The following ANGPT4 variants were observed in gnomAD, a reference collection of about 807,000 sequenced individuals.
The protein encoded by ANGPT4 is angiopoietin-4.
ANGPT4 carries 50 observed loss-of-function variants against 53.0 expected under a neutral mutation model. The observed-to-expected ratio is 0.94, with a 90% CI of 0.75 to 1.20. ANGPT4 has a LOEUF of 1.20. Ranked by LOEUF, ANGPT4 falls within the 50% of genes most tolerant of loss-of-function variation. The probability of loss-of-function intolerance (pLI) is 0.00; values close to 1 mark genes in which losing one functional copy is unlikely to be tolerated. For missense variants in ANGPT4, 648 were observed against 637.1 expected (o/e 1.02, Z -0.18); for synonymous variants, 251 against 259.7 (o/e 0.97, Z 0.32).
chr20:874,395 TG>T lies in ANGPT4; in HGVS notation c.1239del (p.Tyr413Ter). On this transcript the variant is annotated frameshift_variant, in exon 8 of 9. Transcript: ENST00000381922. LOFTEE classifies it high-confidence loss of function. ...NQLYRLSVVG[Y>X]SGSAGRQSSL... is the part of the protein sequence containing the mutation. ...CTGCTCTGGCGCCCTGCTGAGCCGC[TG>T]TACCCGACCACAGAAAGCCTGGAGG... 1 of 1,613,674 alleles carries T rather than the reference TG, an allele frequency of 6.2e-7. No homozygotes were observed. The highest frequency in any genetic ancestry group is 8.5e-7 in the Non-Finnish European group (1 of 1,180,018).
chr20:910,267 C>T (rs1982647244), intron 1 of ANGPT4, among the ~76,000 whole-genome samples: 1 of 152,176 alleles, frequency 6.6e-6, no homozygotes. Flanking sequence ...AATGCCGTAA[C>T]ATAAAGCACC....
chr20:895,285 A>G (rs1982001046), intron 1 of ANGPT4, among the ~76,000 whole-genome samples: 2 of 152,162 alleles, frequency 1.3e-5, no homozygotes, highest in Non-Finnish European at 2.9e-5. Flanking sequence ...TCTCAGGCCT[A>G]TGATGGGGTA....
Position 888,370 on chromosome 20 carries a change from T to A in ANGPT4, c.535A>T (p.Asn179Tyr), listed in dbSNP as rs762387082. The change falls in exon 3 of 9, where the codon AAC (asparagine) becomes TAC (tyrosine). Residue 179 changes from asparagine to tyrosine, a missense_variant. Asn to Tyr is a moderately radical substitution (Grantham distance 143). Transcript: ENST00000381922. ...ETFLSTNKLE[N>Y]QLLLQRQKLQ... The stretch of plus-strand genomic sequence containing the variant: ...TTCTGCCTCTGTAGCAGCAGCTGGT[T>A]CTCCAGCTTGTTGGTGGACAGAAAG... The A allele has an allele frequency of 2.5e-6, 4 of 1,613,782 alleles. No homozygotes were observed. The South Asian group carries it at 4.4e-5, about 18-fold the overall frequency.
chr20:905,372 A>G (rs1982441914), intron 1 of ANGPT4, among the ~76,000 whole-genome samples: 1 of 152,190 alleles, frequency 6.6e-6, no homozygotes, highest in African/African-American at 2.4e-5. Context: ...ATATTTGTGG[A>G]AAGAGCAGAT....
chr20:889,047 A>T (rs1484853508), intron 2 of ANGPT4, among the ~76,000 whole-genome samples: 2 of 152,110 alleles, frequency 1.3e-5, no homozygotes, highest in African/African-American at 4.8e-5. Flanking sequence ...CAGCACGTCC[A>T]TCCTCCCTCC....
Position 916,047 on chromosome 20 carries a change from A to C in ANGPT4, c.168T>G (p.Pro56=). 1.9e-6 allele frequency: 3 copies of C among 1,614,132 alleles called. No homozygotes were observed. Among genetic ancestry groups the C allele is most frequent in the South Asian group, 1.1e-5 (1 of 91,088 alleles). ...TFLLPKSEPC[P]PGPEVSRDSN... ...AGTCCCTGGAGACCTCAGGCCCCGGAGGGCAGGGCTCAGACTTGGGCAGCA... is the reference window on the plus strand; with the variant it reads ...AGTCCCTGGAGACCTCAGGCCCCGGCGGGCAGGGCTCAGACTTGGGCAGCA... Residue 56 remains proline (P), a synonymous_variant, in exon 1 of 9, where the codon CCT becomes CCG. Transcript: ENST00000381922.
chr20:888,330 T>C lies in ANGPT4; in HGVS notation c.575A>G (p.Gln192Arg), dbSNP rs374807960. ...GTGCCACACCCACCTGTTTTGGCCC[T>C]GAAGCTGCTGGAGCTTCTGCCTCTG... is the stretch of plus-strand genomic sequence containing the variant. ...LLQRQKLQQL[Q>R]GQNSALEKRL... The change falls in exon 3 of 9, where the codon CAG (glutamine) becomes CGG (arginine). Residue 192 changes from glutamine to arginine, a missense_variant. Coordinates refer to ENST00000381922, the MANE Select transcript of ANGPT4 (RefSeq NM_015985.4). 2.5e-6 allele frequency: 4 copies of C among 1,613,386 alleles called. No homozygotes were observed. The highest frequency in any genetic ancestry group is 3.4e-6 in the Non-Finnish European group (4 of 1,179,772).
In ANGPT4 at chr20:872,749, G is replaced by T; in HGVS notation, c.*211C>A. On this transcript the variant is annotated 3_prime_UTR_variant, in exon 9 of 9. Coordinates refer to ENST00000381922, the MANE Select transcript of ANGPT4 (RefSeq NM_015985.4). ...AAGAGGGGCGAGGACTACATCAGAG[G>T]GATGGGCCCCGAACACCCTCCATGT... is the stretch of plus-strand genomic sequence containing the variant. 1 of 600,734 alleles carries T rather than the reference G, an allele frequency of 1.7e-6. No individual in the cohort carries two copies. The highest frequency in any genetic ancestry group is 2.9e-6 in the Non-Finnish European group (1 of 342,556). The allele number at this position is 600,734 out of a possible 1,614,324, so 37.2% of individuals were successfully genotyped here.
chr20:895,538 A>C (rs911402214), intron 1 of ANGPT4, among the ~76,000 whole-genome samples: 2 of 152,120 alleles, frequency 1.3e-5, no homozygotes, highest in African/African-American at 4.8e-5. Flanking sequence ...AAAAGAAAGA[A>C]ATTTTCACAG....
intron 7 of ANGPT4, among the ~76,000 whole-genome samples, chr20:874,793 A>G (rs1048814682): frequency 6.6e-6 from 1 of 152,106 alleles, no homozygotes; most frequent in East Asian, 1.9e-4. Flanking sequence ...GCTCATTACA[A>G]CCTTGACCTC....
chr20:912,984 C>A (rs188951075), intron 1 of ANGPT4, among the ~76,000 whole-genome samples: 92 of 152,232 alleles, frequency 6.0e-4, no homozygotes, highest in Non-Finnish European at 1.1e-3. Context: ...GTTTCCTCAC[C>A]TGTACACTGG....
At chr20:900,882 T>G (rs1253316464) in intron 1 of ANGPT4, among the ~76,000 whole-genome samples, 2 of 151,674 alleles carry the variant, frequency 1.3e-5, no homozygotes, top group Non-Finnish European at 3.0e-5. Flanking sequence ...TACCTGTTTT[T>G]CTCCTTCTCT....
rs553875432 is a variant in ANGPT4 at position 908,605 on chromosome 20, G to C, written c.309+7301C>G. On this transcript the variant is annotated intron_variant, in intron 1 of 8. Coordinates refer to ENST00000381922, the MANE Select transcript of ANGPT4 (RefSeq NM_015985.4). This position sits in a 1 kb window ranked among gnomAD's most constrained non-coding sequence, Gnocchi z 4.9. The stretch of plus-strand genomic sequence containing the variant: ...ACACCCACTGCTCCAGGGGCAAGGG[G>C]GAAGGATGGTCTTCCTTGCTCACTA... Among the ~76,000 whole-genome samples, 1 of 152,190 alleles carries C rather than the reference G, an allele frequency of 6.6e-6. No individual in the cohort carries two copies. Among genetic ancestry groups the C allele is most frequent in the South Asian group, 2.1e-4 (1 of 4,834 alleles).
chr20:885,449 T>C, intron 3 of ANGPT4, 124 bp from the exon 4 acceptor site: 1 of 1,349,014 alleles, frequency 7.4e-7, no homozygotes, highest in Non-Finnish European at 9.8e-7. Context: ...TGGAACGTCC[T>C]GTGCCCACTG....
chr20:900,280 G>GT (rs796236045), intron 1 of ANGPT4, among the ~76,000 whole-genome samples: 1 of 152,122 alleles, frequency 6.6e-6, no homozygotes, highest in African/African-American at 2.4e-5. Context: ...GATACTCGAC[G>GT]TTTTTTCATG....
chr20:909,411 A>G (rs1982613461), intron 1 of ANGPT4, among the ~76,000 whole-genome samples: 1 of 152,202 alleles, frequency 6.6e-6, no homozygotes, highest in Non-Finnish European at 1.5e-5. Flanking sequence ...TCAATTTTAT[A>G]GATTGAAAAA....
intron 3 of ANGPT4, among the ~76,000 whole-genome samples, chr20:887,860 T>C (rs1204837998): frequency 6.6e-6 from 1 of 151,056 alleles, no homozygotes; most frequent in East Asian, 1.9e-4. Context: ...ATAAAGCTGT[T>C]AAAATTTACG....
At chr20:912,281 C>G (rs147060271) in intron 1 of ANGPT4, among the ~76,000 whole-genome samples, 5 of 152,298 alleles carry the variant, frequency 3.3e-5, no homozygotes, top group African/African-American at 1.2e-4. Context: ...CTCTGCTTCT[C>G]TTGACCCCAC....
intron 1 of ANGPT4, among the ~76,000 whole-genome samples, chr20:891,748 C>T (rs1981855340): frequency 6.6e-6 from 1 of 152,218 alleles, no homozygotes; most frequent in African/African-American, 2.4e-5. Flanking sequence ...TGTTCACTCC[C>T]ATCCCTTCCT....
Sources: gnomAD v4.1 joint callset for allele counts (sites outside exome capture counted in the v4.1 genomes callset) on GRCh38, gnomAD v4.1.1 for gene constraint, Gnocchi (gnomAD v3.1) non-coding constraint, MANE v1.5 for transcripts, NCBI Gene and HGNC (gene_info 2026-07-23, HGNC 2026-07-21) for gene names.